Variants in TRIM14 observed in about 807,000 individuals in gnomAD.
TRIM14 encodes tripartite motif containing 14.
A neutral mutation model predicts 44.5 loss-of-function variants in TRIM14; 28 were observed. The ratio of observed to expected loss-of-function variants is 0.63; its 90% CI spans 0.47 to 0.86. The LOEUF (loss-of-function observed/expected upper bound fraction) is 0.86, where lower values mean the gene tolerates loss of function less well. Ranked by LOEUF, TRIM14 falls within the 40% of genes least tolerant of loss-of-function variation. The probability of loss-of-function intolerance (pLI) is 0.00; values close to 1 mark genes in which losing one functional copy is unlikely to be tolerated. For synonymous variants in TRIM14, 299 were observed against 269.2 expected (o/e 1.11, Z -1.08); for missense variants, 607 against 611.1 (o/e 0.99, Z 0.07).
intron 6 of TRIM14, among the ~76,000 whole-genome samples, chr9:98,070,237 C>T (rs544370721): frequency 6.6e-6 from 1 of 152,276 alleles, no homozygotes; most frequent in Non-Finnish European, 1.5e-5. Context: ...CCTGCTTCAG[C>T]CTCCCAAGTA....
chr9:98,095,690 G>A lies in TRIM14; in HGVS notation c.538-661C>T, dbSNP rs183432599. Among the ~76,000 whole-genome samples the A allele has an allele frequency of 6.6e-6, 1 of 152,332 alleles. No individual in the cohort carries two copies. Among genetic ancestry groups the A allele is most frequent in the East Asian group, 1.9e-4 (1 of 5,170 alleles). On this transcript the variant is annotated intron_variant, in intron 3 of 5. Transcript: ENST00000341469. This position sits in a 1 kb window ranked among gnomAD's most constrained non-coding sequence, Gnocchi z 4.1. Reference sequence around the variant, plus strand: ...CAGCTCCCTTTGCACCTGTGCTGCAGGAGTGTGACCAGACGCCTCCAAGCC... The same window carrying A: ...CAGCTCCCTTTGCACCTGTGCTGCAAGAGTGTGACCAGACGCCTCCAAGCC...
the TRIM14 span, chr9:98,057,030 C>T: frequency 7.0e-7 from 1 of 1,419,232 alleles, no homozygotes. Context: ...GCCTCCGCGG[C>T]TGGGTACCCT....
chr9:98,084,870 T>G lies in TRIM14; in HGVS notation c.*2600A>C, dbSNP rs1400539469. ...TAGGACTATAGTTTTAAGGCAAGTTTATAACCTTTGGCTCATTTGAGCCTC... is the reference window on the plus strand; with the variant it reads ...TAGGACTATAGTTTTAAGGCAAGTTGATAACCTTTGGCTCATTTGAGCCTC... On this transcript the variant is annotated 3_prime_UTR_variant, in exon 6 of 6. Transcript: ENST00000341469. 1 of 152,164 alleles carries G rather than the reference T, an allele frequency of 6.6e-6. No homozygotes were observed. The allele number at this position is 152,164 out of a possible 1,614,324, so 9.4% of individuals were successfully genotyped here. A position where few individuals can be genotyped will look rare whatever the true frequency, so the allele number is the denominator to read the frequency against.
At chr9:98,097,020 A>G (rs1254347446) in intron 3 of TRIM14, among the ~76,000 whole-genome samples, 2 of 152,050 alleles carry the variant, frequency 1.3e-5, no homozygotes, top group Non-Finnish European at 2.9e-5. Context: ...ATGGTGAAAC[A>G]CTGTCTCTAC....
chr9:98,112,876 G>A, intron 1 of TRIM14, among the ~76,000 whole-genome samples: 1 of 150,842 alleles, frequency 6.6e-6, no homozygotes, highest in Admixed American at 6.6e-5. Flanking sequence ...CACTTTAGGA[G>A]GCCGAGACAG....
chr9:98,091,900 G>A lies in TRIM14; in HGVS notation c.793+9C>T, dbSNP rs759119051. 3.5e-5 allele frequency: 56 copies of A among 1,580,910 alleles called. No homozygotes were observed. The highest frequency in any genetic ancestry group is 4.4e-5 in the Non-Finnish European group (51 of 1,159,950). Reference sequence around the variant, plus strand: ...GTCTCCACCCTATCCCCACTCCCGGGGGTCTTACATTTCAGCAATAGCGAT... The same window carrying A: ...GTCTCCACCCTATCCCCACTCCCGGAGGTCTTACATTTCAGCAATAGCGAT... On this transcript the variant is annotated intron_variant, in intron 5 of 5. Transcript: ENST00000341469.
intron 2 of TRIM14, among the ~76,000 whole-genome samples, chr9:98,106,338 G>C (rs1826609040): frequency 6.6e-6 from 1 of 152,232 alleles, no homozygotes; most frequent in South Asian, 2.1e-4. Context: ...GATTATGGAT[G>C]AATTTTTAAA....
At chr9:98,107,888 G>A (rs886202211) in intron 2 of TRIM14, among the ~76,000 whole-genome samples, 1 of 151,672 alleles carries the variant, frequency 6.6e-6, no homozygotes, top group Admixed American at 6.6e-5. Context: ...GGCTGGTCTC[G>A]AACTCCTGAC....
At chr9:98,056,779 T>C in the TRIM14 span, 5 of 1,606,334 alleles carry the variant, frequency 3.1e-6, no homozygotes, top group Admixed American at 1.7e-5. Flanking sequence ...CCCAGACTGG[T>C]AGTGAGGCTT....
Position 98,095,145 on chromosome 9 carries a change from G to A in TRIM14, c.538-116C>T, listed in dbSNP as rs1826140999. 2.3e-6 allele frequency: 3 copies of A among 1,327,702 alleles called. No individual in the cohort carries two copies. The highest frequency in any genetic ancestry group is 3.0e-6 in the Non-Finnish European group (3 of 988,786). 82.2% of individuals were successfully genotyped at this position (1,327,702 alleles called of 1,614,324 possible). A position where few individuals can be genotyped will look rare whatever the true frequency, so the allele number is the denominator to read the frequency against. ...GCATGCCCAGGCTCCACGTTGGCCT[G>A]GCACCTATGGTCAGCCCAGGCCATG... On this transcript the variant is annotated intron_variant, in intron 3 of 5. Transcript: ENST00000341469. The surrounding 1 kb of genome is among the most constrained non-coding windows in gnomAD (Gnocchi z 4.1).
Position 98,086,631 on chromosome 9 carries a change from C to A in TRIM14, c.*839G>T, listed in dbSNP as rs763340217. On this transcript the variant is annotated 3_prime_UTR_variant, in exon 6 of 6. Coordinates refer to ENST00000341469, the MANE Select transcript of TRIM14 (RefSeq NM_014788.4). The stretch of plus-strand genomic sequence containing the variant: ...AGACTTCCTGGCGCAGGTAAGCCTG[C>A]GGAAGACTGAGACAGGTGAAAAGAC... 6.6e-6 allele frequency: 1 copy of A among 152,046 alleles called. No individual in the cohort carries two copies. The highest frequency in any genetic ancestry group is 1.5e-5 in the Non-Finnish European group (1 of 68,016). The allele number at this position is 152,046 out of a possible 1,614,324, so 9.4% of individuals were successfully genotyped here.
chr9:98,105,818 T>C (rs192906627), intron 2 of TRIM14, among the ~76,000 whole-genome samples: 131 of 152,056 alleles, frequency 8.6e-4, no homozygotes, highest in African/African-American at 3.1e-3. Flanking sequence ...CTGCATCAAG[T>C]CAGATCCACA....
chr9:98,110,018 T>C (rs1220146700), intron 1 of TRIM14, 34 bp from the exon 2 acceptor site: 1 of 1,534,892 alleles, frequency 6.5e-7, no homozygotes, highest in Admixed American at 1.7e-5. Context: ...AAAGTCGTAA[T>C]ACTGTCACTT....
chr9:98,115,376 G>A (rs577185471), intron 1 of TRIM14, among the ~76,000 whole-genome samples: 36 of 152,218 alleles, frequency 2.4e-4, no homozygotes, highest in South Asian at 4.1e-4. Flanking sequence ...TCAGCCTCCC[G>A]AGTAGCTGGG....
chr9:98,074,384 G>A (rs1829487583), intron 6 of TRIM14, among the ~76,000 whole-genome samples: 1 of 152,146 alleles, frequency 6.6e-6, no homozygotes, highest in Admixed American at 6.5e-5. Context: ...CCGATAGCAC[G>A]GTCGGCAGGC....
intron 5 of TRIM14, among the ~76,000 whole-genome samples, chr9:98,090,732 T>G (rs996765880): frequency 6.6e-6 from 1 of 151,986 alleles, no homozygotes; most frequent in Non-Finnish European, 1.5e-5. Flanking sequence ...CCCAGCTAAT[T>G]TTTGTATTTT....
chr9:98,053,954 C>T, the TRIM14 span, among the ~76,000 whole-genome samples: 1 of 152,156 alleles, frequency 6.6e-6, no homozygotes, highest in Non-Finnish European at 1.5e-5. Context: ...GCAAAATACA[C>T]ATAACAAAAC....
intron 1 of TRIM14, among the ~76,000 whole-genome samples, chr9:98,117,598 T>G (rs927525263): frequency 6.6e-6 from 1 of 152,132 alleles, no homozygotes; most frequent in Admixed American, 6.6e-5. Context: ...CCCGACTGCT[T>G]ATGTCATTTT....
downstream of TRIM14, chr9:98,081,214 C>T (rs368779662): frequency 4.9e-6 from 6 of 1,223,942 alleles, no homozygotes; most frequent in Non-Finnish European, 3.4e-6. Flanking sequence ...TGCTCCCACC[C>T]GTGTCAGCTT....
Sources: gnomAD v4.1 joint callset for allele counts (sites outside exome capture counted in the v4.1 genomes callset) on GRCh38, gnomAD v4.1.1 for gene constraint, Gnocchi (gnomAD v3.1) non-coding constraint, MANE v1.5 for transcripts, NCBI Gene and HGNC (gene_info 2026-07-23, HGNC 2026-07-21) for gene names.